The following MBD5 variants were observed in gnomAD, a reference collection of about 807,000 sequenced individuals.
MBD5 encodes methyl-CpG-binding domain protein 5.
In MBD5, 13 loss-of-function variants were observed where a neutral mutation model predicts 117.3. The ratio of observed to expected loss-of-function variants is 0.11; its 90% confidence interval spans 0.07 to 0.18. MBD5 has a LOEUF of 0.18. MBD5 is among the 10% of genes least tolerant of loss of function. The probability of loss-of-function intolerance (pLI) is 1.00; values close to 1 mark genes in which losing one functional copy is unlikely to be tolerated. For missense variants in MBD5, 1,879 were observed against 2,093.8 expected, an observed-to-expected ratio of 0.90 and a Z score of 2.00; for synonymous variants, 727 against 766.4, an observed-to-expected ratio of 0.95 and a Z score of 0.85.
chr2:148,318,553 G>C (rs1574279541), intron 3 of MBD5, among the ~76,000 whole-genome samples: 1 of 152,080 alleles, frequency 6.6e-6, no homozygotes, highest in Non-Finnish European at 1.5e-5. Context: ...GTTCAGAAGA[G>C]ATTTCCTCGG....
At chr2:148,221,486 G>C (rs1699684787) in intron 2 of MBD5, among the ~76,000 whole-genome samples, 1 of 152,098 alleles carries the variant, frequency 6.6e-6, no homozygotes, top group Non-Finnish European at 1.5e-5. Context: ...TCTCATTGTA[G>C]TTTGGATTTG....
chr2:148,025,921 G>A (rs921623884), intron 1 of MBD5: 6 of 152,236 alleles, frequency 3.9e-5, no homozygotes, highest in Non-Finnish European at 7.4e-5. Context: ...TTAGTAGATA[G>A]ATGTTTCAAA....
At chr2:148,400,747 G>A (rs1289489359) in intron 4 of MBD5, among the ~76,000 whole-genome samples, 1 of 152,054 alleles carries the variant, frequency 6.6e-6, no homozygotes, top group Non-Finnish European at 1.5e-5. Flanking sequence ...TATCAAACTT[G>A]CAGTTAGCCA....
intron 4 of MBD5, among the ~76,000 whole-genome samples, chr2:148,424,512 C>T (rs762337151): frequency 6.6e-6 from 1 of 151,918 alleles, no homozygotes; most frequent in Admixed American, 6.6e-5. Flanking sequence ...AGGACTTGAA[C>T]TCAGCTCTGG....
intron 1 of MBD5, among the ~76,000 whole-genome samples, chr2:148,038,903 A>C (rs1383254516): frequency 2.6e-5 from 4 of 152,076 alleles, no homozygotes; most frequent in African/African-American, 9.7e-5. Flanking sequence ...ACTTACTTTG[A>C]CTTGGGGACA....
At chr2:148,123,254 A>G (rs1259004479) in intron 1 of MBD5, among the ~76,000 whole-genome samples, 1 of 152,276 alleles carries the variant, frequency 6.6e-6, no homozygotes, top group Non-Finnish European at 1.5e-5. Flanking sequence ...CTTTTAAGTT[A>G]GAAATGTCAC....
chr2:148,287,930 G>C (rs370608298), intron 3 of MBD5, among the ~76,000 whole-genome samples: 1 of 152,076 alleles, frequency 6.6e-6, no homozygotes, highest in Admixed American at 6.5e-5. Flanking sequence ...TTTGGGGGAC[G>C]CACTCACTCT....
chr2:148,025,235 C>T (rs1342200231), intron 1 of MBD5: 1 of 152,102 alleles, frequency 6.6e-6, no homozygotes, highest in Non-Finnish European at 1.5e-5. Flanking sequence ...TAATTGTATT[C>T]CACAAGTGTA....
intron 1 of MBD5, among the ~76,000 whole-genome samples, chr2:148,077,871 A>G (rs1224362995): frequency 1.3e-5 from 2 of 152,160 alleles, no homozygotes; most frequent in Non-Finnish European, 2.9e-5. Flanking sequence ...ATACTCTCAT[A>G]TTGACCATCA....
At chr2:148,496,701 T>G (rs1222794531) in intron 11 of MBD5, among the ~76,000 whole-genome samples, 1 of 152,200 alleles carries the variant, frequency 6.6e-6, no homozygotes, top group Non-Finnish European at 1.5e-5. Context: ...TAGAATGGAT[T>G]TACCCCCGTC....
intron 1 of MBD5, among the ~76,000 whole-genome samples, chr2:148,069,731 CCT>C (rs1350971879): frequency 6.6e-6 from 1 of 152,000 alleles, no homozygotes; most frequent in Non-Finnish European, 1.5e-5. Flanking sequence ...TCCCTGAACA[CCT>C]CTCTTTACAT....
chr2:148,196,097 A>G (rs555793799), intron 2 of MBD5: 3 of 152,112 alleles, frequency 2.0e-5, no homozygotes, highest in South Asian at 4.2e-4. Context: ...CATTGGTATC[A>G]CTTATCCTCT....
In MBD5 at chr2:148,314,889, G is replaced by A. The variant is rs1305982318; in HGVS notation, c.-679-27325G>A. Among the ~76,000 whole-genome samples, 28 of 152,092 alleles carry A rather than the reference G, an allele frequency of 1.8e-4. 2 individuals are homozygous for A. The highest frequency in any genetic ancestry group is 1.8e-3 in the Admixed American group (28 of 15,258). ...GGTTATTTTAGGGATGGTTATTACT[G>A]AAAAGCTCATTTATAAGCTTTTATC... is the stretch of plus-strand genomic sequence containing the variant. On this transcript the variant is annotated intron_variant, in intron 3 of 13. Coordinates refer to ENST00000642680, the MANE Select transcript of MBD5 (RefSeq NM_001378120.1).
rs1699120884 is a variant in MBD5, at chr2:148,200,838, T to C, written c.-831+22045T>C. Among the ~76,000 whole-genome samples, 3 of 152,082 alleles carry C rather than the reference T, an allele frequency of 2.0e-5. No individual in the cohort carries two copies. In the South Asian group the frequency reaches 6.2e-4, roughly 31 times the overall value. On this transcript the variant is annotated intron_variant, in intron 2 of 13. Transcript: ENST00000642680. Reference sequence around the variant, plus strand: ...AACTTCTAAAGAAGTTCTTCTGATCTAAATAGTTGGCCTTTGTATACTTTA... The same window carrying C: ...AACTTCTAAAGAAGTTCTTCTGATCCAAATAGTTGGCCTTTGTATACTTTA...
rs531781551 is a variant in MBD5, at chr2:148,140,525, G to A, written c.-924-38175G>A. Among the ~76,000 whole-genome samples, 3 of 152,136 alleles carry A rather than the reference G, an allele frequency of 2.0e-5. No homozygotes were observed. The South Asian group carries it at 6.2e-4, about 32-fold the overall frequency. On this transcript the variant is annotated intron_variant, in intron 1 of 13. Transcript: ENST00000642680. ...CTCTTGAGGAAATTACTCAAATACT[G>A]TTTCTTATTCTATAAAATAAAATAG...
At chr2:148,048,109 C>G (rs373733031) in intron 1 of MBD5, among the ~76,000 whole-genome samples, 2 of 152,110 alleles carry the variant, frequency 1.3e-5, no homozygotes, top group African/African-American at 4.8e-5. Context: ...AATTTAAGTT[C>G]AGATCCTGAA....
At chr2:148,501,506 T>G (rs1193428606) in intron 11 of MBD5, among the ~76,000 whole-genome samples, 1 of 152,230 alleles carries the variant, frequency 6.6e-6, no homozygotes, top group African/African-American at 2.4e-5. Context: ...TTAGATTGTG[T>G]GTGTGTGTGT....
Position 148,036,224 on chromosome 2 carries a change from T to C in MBD5, c.-925+14540T>C, listed in dbSNP as rs188487943. Among the ~76,000 whole-genome samples the C allele has an allele frequency of 2.3e-4, 35 of 152,216 alleles. No individual in the cohort carries two copies. The East Asian group carries it at 6.2e-3, about 27-fold the overall frequency. ...AGAGTGTTTAGGACCTTTTAAAGTA[T>C]AGCAATAAGAAAGTCAGTGGAAAGA... On this transcript the variant is annotated intron_variant, in intron 1 of 13. Coordinates refer to ENST00000642680, the MANE Select transcript of MBD5 (RefSeq NM_001378120.1).
At chr2:148,480,216 A>G (rs1009699782) in intron 8 of MBD5, among the ~76,000 whole-genome samples, 2 of 152,126 alleles carry the variant, frequency 1.3e-5, no homozygotes, top group Non-Finnish European at 2.9e-5. Flanking sequence ...GTAAAGCAAA[A>G]ATACACCCAG....
Sources: gnomAD v4.1 joint callset for allele counts (sites outside exome capture counted in the v4.1 genomes callset) on GRCh38, gnomAD v4.1.1 for gene constraint, MANE v1.5 for transcripts, NCBI Gene and HGNC (gene_info 2026-07-23, HGNC 2026-07-21) for gene names.